FBP2: variants seen among roughly 807,000 people sequenced by gnomAD.
The protein encoded by FBP2 is fructose-bisphosphatase 2, also known as fructose-1,6-bisphosphatase isozyme 2.
A neutral mutation model predicts 31.6 loss-of-function variants in FBP2; 27 were observed. The ratio of observed to expected loss-of-function variants is 0.85; its 90% CI spans 0.63 to 1.18. FBP2 has a LOEUF of 1.18. Ranked by LOEUF, FBP2 falls within the 50% of genes most tolerant of loss-of-function variation. The pLI is 0.00. For synonymous variants in FBP2, 168 were observed against 179.8 expected (o/e 0.93, Z 0.53); for missense variants, 421 against 436.1 (o/e 0.97, Z 0.31).
chr9:94,559,309 T>A (rs1827058492), intron 6 of FBP2, among the ~76,000 whole-genome samples, 177 bp from the exon 7 acceptor site: 1 of 152,124 alleles, frequency 6.6e-6, no homozygotes. Context: ...GCCAGATGCA[T>A]CAGATGGCAC....
intron 6 of FBP2, among the ~76,000 whole-genome samples, chr9:94,560,508 T>G (rs926775679): frequency 1.6e-4 from 24 of 152,140 alleles, no homozygotes; most frequent in African/African-American, 5.8e-4. Context: ...TCTTCTTCTT[T>G]CTCCCCATCA....
At chr9:94,563,245 C>G (rs1057170586) in intron 6 of FBP2, 97 bp downstream of exon 6, 6 of 1,369,028 alleles carry the variant, frequency 4.4e-6, no homozygotes, top group Non-Finnish European at 6.0e-6. Flanking sequence ...CACAGACATG[C>G]CATGAAGCAG....
chr9:94,579,727 G>C (rs1827357103), intron 3 of FBP2, among the ~76,000 whole-genome samples: 1 of 152,264 alleles, frequency 6.6e-6, no homozygotes, highest in African/African-American at 2.4e-5. Context: ...TATCTCAGAA[G>C]TTTGGCTTTG....
In FBP2 at chr9:94,563,333, GAGA is replaced by G. The variant is rs1410727766; in HGVS notation, c.825+6_825+8del. The G allele has an allele frequency of 1.2e-6, 2 of 1,613,502 alleles. No individual in the cohort carries two copies. The highest frequency in any genetic ancestry group is 1.7e-6 in the Non-Finnish European group (2 of 1,179,744). On this transcript the variant is annotated splice_donor_region_variant and intron_variant, in intron 6 of 6. Transcript: ENST00000375337. ...CCGGATGCACAGCCAGTGGACAAGG[GAGA>G]ATTACCTTGCCCTTAGGGCTCTTCT...
At chr9:94,579,791 ACT>A (rs1768338116) in intron 3 of FBP2, among the ~76,000 whole-genome samples, 1 of 152,034 alleles carries the variant, frequency 6.6e-6, no homozygotes, top group Non-Finnish European at 1.5e-5. Flanking sequence ...TGAGAGGATA[ACT>A]CTCTCATTCA....
At chr9:94,563,200 AAC>A (rs1453427335) in intron 6 of FBP2, 140 bp downstream of exon 6, 2 of 903,718 alleles carry the variant, frequency 2.2e-6, no homozygotes, top group East Asian at 5.6e-5. Context: ...ACTCAAGGGA[AAC>A]AGAGTTCATT....
chr9:94,565,585 A>T (rs1478079261), intron 5 of FBP2, among the ~76,000 whole-genome samples: 1 of 152,214 alleles, frequency 6.6e-6, no homozygotes, highest in Non-Finnish European at 1.5e-5. Context: ...AACTATCAGG[A>T]ACTAGAGATG....
chr9:94,569,150 A>C (rs1009483032), intron 4 of FBP2: 1 of 152,226 alleles, frequency 6.6e-6, no homozygotes, highest in Non-Finnish European at 1.5e-5. Context: ...AGGAAGACTC[A>C]TATCTGGGCC....
chr9:94,572,136 C>T (rs1449168705), intron 3 of FBP2, among the ~76,000 whole-genome samples: 1 of 152,156 alleles, frequency 6.6e-6, no homozygotes, highest in Non-Finnish European at 1.5e-5. Context: ...TCTGTGGATG[C>T]TCCTTCTCAC....
chr9:94,573,594 T>C (rs1391888310), intron 3 of FBP2, among the ~76,000 whole-genome samples: 3 of 152,206 alleles, frequency 2.0e-5, no homozygotes, highest in African/African-American at 7.2e-5. Context: ...TTATGTGATT[T>C]TTCTTCTTTA....
chr9:94,562,761 T>C (rs1827128029), intron 6 of FBP2, among the ~76,000 whole-genome samples: 1 of 152,156 alleles, frequency 6.6e-6, no homozygotes, highest in Non-Finnish European at 1.5e-5. Context: ...ATAATACAAG[T>C]ATTTTAAGTT....
At chr9:94,577,063 T>A (rs1490189624) in intron 3 of FBP2, among the ~76,000 whole-genome samples, 1 of 152,134 alleles carries the variant, frequency 6.6e-6, no homozygotes, top group East Asian at 1.9e-4. Context: ...ACATTTCACC[T>A]TGACTGGTGA....
chr9:94,561,505 G>GGC (rs1827102520), intron 6 of FBP2, among the ~76,000 whole-genome samples: 3 of 151,956 alleles, frequency 2.0e-5, no homozygotes, highest in Non-Finnish European at 4.4e-5. Flanking sequence ...TGGAACCACA[G>GGC]GCACATGCCA....
intron 5 of FBP2, among the ~76,000 whole-genome samples, chr9:94,563,793 G>A (rs1827144965): frequency 6.6e-6 from 1 of 152,136 alleles, no homozygotes; most frequent in African/African-American, 2.4e-5. Context: ...AAAATAAAGG[G>A]ATGGAAGCCA....
intron 3 of FBP2, among the ~76,000 whole-genome samples, chr9:94,583,420 T>G (rs1179058816): frequency 6.6e-6 from 1 of 152,218 alleles, no homozygotes; most frequent in Non-Finnish European, 1.5e-5. Context: ...GGCTGAGAAT[T>G]AGATATCTAC....
chr9:94,564,469 C>G (rs1827156912), intron 5 of FBP2, among the ~76,000 whole-genome samples: 1 of 152,158 alleles, frequency 6.6e-6, no homozygotes, highest in South Asian at 2.1e-4. Flanking sequence ...CAATGGAATA[C>G]TATGCAGCCA....
chr9:94,575,024 T>A (rs4743959), intron 3 of FBP2, among the ~76,000 whole-genome samples: 64,592 of 152,004 alleles, frequency 0.42, 14,482 homozygotes, highest in Admixed American at 0.52. Context: ...TTGGTAAAAT[T>A]AATGAAAATT....
At position 94,558,865 on chromosome 9, in the gene FBP2, C is replaced by G. The variant is rs1827048628; in HGVS notation, c.*73G>C. On this transcript the variant is annotated 3_prime_UTR_variant, in exon 7 of 7. Coordinates refer to ENST00000375337, the MANE Select transcript of FBP2 (RefSeq NM_003837.4). ...TTTTGTATACTCATAGCTACCATCT[C>G]TGTTTATCGTTCATTTAGGGTCCTT... 3 of 1,382,176 alleles carry G rather than the reference C, an allele frequency of 2.2e-6. No individual in the cohort carries two copies. The highest frequency in any genetic ancestry group is 4.6e-5 in the East Asian group (2 of 43,462). 85.6% of individuals were successfully genotyped at this position (1,382,176 alleles called of 1,614,324 possible). A position where few individuals can be genotyped will look rare whatever the true frequency, so the allele number is the denominator to read the frequency against.
intron 3 of FBP2, among the ~76,000 whole-genome samples, chr9:94,575,745 C>T (rs1030020531): frequency 6.6e-6 from 1 of 152,160 alleles, no homozygotes; most frequent in African/African-American, 2.4e-5. Context: ...ATAAGAATTC[C>T]AGTTTCTTTG....
Sources: allele counts gnomAD v4.1 joint callset (sites outside exome capture counted in the v4.1 genomes callset), GRCh38; gene constraint gnomAD v4.1.1; transcripts MANE v1.5; gene names NCBI Gene and HGNC (gene_info 2026-07-23, HGNC 2026-07-21).